Variants in CNTNAP2 observed in about 807,000 individuals in gnomAD.
CNTNAP2 encodes the protein contactin associated protein 2.
CNTNAP2 carries 98 observed loss-of-function variants against 155.2 expected under a neutral mutation model. The ratio of observed to expected loss-of-function variants is 0.63; its 90% CI spans 0.54 to 0.75. CNTNAP2 has a LOEUF of 0.75. Among genes scored for constraint, CNTNAP2 ranks in the 30% least tolerant of loss-of-function variants. The pLI is 0.00. For synonymous variants in CNTNAP2, 651 were observed against 631.2 expected (o/e 1.03, Z -0.47); for missense variants, 1,727 against 1,688.1 (o/e 1.02, Z -0.40).
At chr7:148,126,472 T>A (rs946786025) in intron 16 of CNTNAP2, among the ~76,000 whole-genome samples, 2 of 152,074 alleles carry the variant, frequency 1.3e-5, no homozygotes, top group Non-Finnish European at 2.9e-5. Context: ...TGTGGAAAGG[T>A]GGAAGGACAG....
At chr7:146,492,360 A>C (rs113884645) in intron 1 of CNTNAP2, among the ~76,000 whole-genome samples, 4,972 of 152,178 alleles carry the variant, frequency 0.033, 248 homozygotes, top group African/African-American at 0.11. Flanking sequence ...GCCCTTCCTC[A>C]TGTTCATCTT....
At chr7:148,004,698 A>T (rs1279382517) in intron 15 of CNTNAP2, among the ~76,000 whole-genome samples, 1 of 152,222 alleles carries the variant, frequency 6.6e-6, no homozygotes, top group African/African-American at 2.4e-5. Context: ...GTTCTTTAAT[A>T]TGTAATGAAA....
chr7:148,207,205 G>A (rs1795464458), intron 18 of CNTNAP2, among the ~76,000 whole-genome samples: 1 of 152,264 alleles, frequency 6.6e-6, no homozygotes, highest in Non-Finnish European at 1.5e-5. Context: ...TGGGACACTT[G>A]AGGATGTGCA....
At chr7:147,128,664 C>T (rs775112062) in intron 6 of CNTNAP2, 29 bp from the exon 7 acceptor site, 28 of 1,613,022 alleles carry the variant, frequency 1.7e-5, no homozygotes, top group Middle Eastern at 1.6e-4. Context: ...ACAATGTGGA[C>T]GTTTACATTT....
chr7:147,213,845 G>A lies in CNTNAP2; in HGVS notation c.1348+81336G>A, dbSNP rs1173785818. On this transcript the variant is annotated intron_variant, in intron 8 of 23. Transcript: ENST00000361727. ...CCTGAGAACTCAGGGGGCCACTGGT[G>A]TAAATCCTGGAGTGTCTGTGTAGAA... 3.3e-5 allele frequency among the ~76,000 whole-genome samples: 5 copies of A among 152,228 alleles called. No homozygotes were observed. In the East Asian group the frequency reaches 7.8e-4, roughly 24 times the overall value.
At chr7:147,718,072 A>G (rs1482600551) in intron 13 of CNTNAP2, among the ~76,000 whole-genome samples, 4 of 152,122 alleles carry the variant, frequency 2.6e-5, no homozygotes, top group Non-Finnish European at 5.9e-5. Context: ...CTTTGTAATC[A>G]TATTGCTTGA....
intron 3 of CNTNAP2, among the ~76,000 whole-genome samples, chr7:147,017,085 T>G (rs1373101048): frequency 6.6e-5 from 10 of 152,084 alleles, no homozygotes. Context: ...TCTTTTCTAC[T>G]GCAAATAAAG....
intron 21 of CNTNAP2, among the ~76,000 whole-genome samples, chr7:148,310,514 T>C (rs1409175830): frequency 2.0e-5 from 3 of 151,986 alleles, no homozygotes; most frequent in Admixed American, 6.5e-5. Flanking sequence ...CCGAGAGCAA[T>C]AGTAGAGGCA....
At chr7:148,165,413 A>T (rs1438467780) in intron 17 of CNTNAP2, among the ~76,000 whole-genome samples, 1 of 152,192 alleles carries the variant, frequency 6.6e-6, no homozygotes, top group Non-Finnish European at 1.5e-5. Flanking sequence ...GAGGGGACAC[A>T]GTTCAGTCCA....
rs550183082 is a variant in CNTNAP2, at chr7:147,407,073, G to A, written c.1670+11293G>A. Among the ~76,000 whole-genome samples the A allele has an allele frequency of 2.5e-3, 383 of 152,286 alleles. 2 individuals carry two copies. Among genetic ancestry groups the A allele is most frequent in the African/African-American group, 8.9e-3 (368 of 41,566 alleles). On this transcript the variant is annotated intron_variant, in intron 10 of 23. Transcript: ENST00000361727. ...CTTCAGTGAAGACCCCCCCCTCTGG[G>A]AAATTAGACATGACATAAAAGTGCA...
intron 12 of CNTNAP2, among the ~76,000 whole-genome samples, chr7:147,607,998 C>T (rs899134075): frequency 2.0e-5 from 3 of 152,008 alleles, no homozygotes; most frequent in African/African-American, 7.2e-5. Context: ...TAGGTTGGAC[C>T]ATAATTACTT....
At chr7:148,278,289 C>T (rs532806197) in intron 21 of CNTNAP2, among the ~76,000 whole-genome samples, 4 of 151,860 alleles carry the variant, frequency 2.6e-5, no homozygotes, top group Admixed American at 6.6e-5. Flanking sequence ...TGAGTAGGCC[C>T]GGCTCGGTGG....
intron 1 of CNTNAP2, among the ~76,000 whole-genome samples, chr7:146,229,982 C>T (rs1170433003): frequency 6.6e-6 from 1 of 152,074 alleles, no homozygotes; most frequent in Non-Finnish European, 1.5e-5. Flanking sequence ...AATATATAAA[C>T]AAGCATTGAG....
At chr7:147,405,866 TATGGAA>T (rs1796997132) in intron 10 of CNTNAP2, among the ~76,000 whole-genome samples, 1 of 152,078 alleles carries the variant, frequency 6.6e-6, no homozygotes, top group Admixed American at 6.5e-5. Flanking sequence ...GGTGATACTA[TATGGAA>T]ATGGTTTGAT....
At chr7:147,530,040 C>A (rs570230883) in intron 11 of CNTNAP2, among the ~76,000 whole-genome samples, 5 of 152,254 alleles carry the variant, frequency 3.3e-5, no homozygotes, top group Non-Finnish European at 5.9e-5. Context: ...ACAGTAGTGG[C>A]AATGACAAAA....
chr7:147,255,742 G>A (rs992321195), intron 8 of CNTNAP2, among the ~76,000 whole-genome samples: 1 of 151,906 alleles, frequency 6.6e-6, no homozygotes, highest in African/African-American at 2.4e-5. Flanking sequence ...TTCTATGTTT[G>A]TTTGTTTATT....
chr7:146,497,537 C>T (rs10227262), intron 1 of CNTNAP2, among the ~76,000 whole-genome samples: 71,463 of 151,710 alleles, frequency 0.47, 19,680 homozygotes, highest in African/African-American at 0.78. Context: ...CTACAGTGTA[C>T]TTCACCCAAA....
At chr7:148,236,760 G>A (rs1796047280) in intron 20 of CNTNAP2, among the ~76,000 whole-genome samples, 1 of 152,214 alleles carries the variant, frequency 6.6e-6, no homozygotes. Context: ...CTGCTTCTGG[G>A]GAGACCTCAG....
intron 21 of CNTNAP2, among the ~76,000 whole-genome samples, chr7:148,367,386 G>A (rs1405844021): frequency 6.6e-6 from 1 of 151,716 alleles, no homozygotes; most frequent in African/African-American, 2.4e-5. Flanking sequence ...TAAGTCAAAG[G>A]AAAAATGTTC....
Sources: allele counts gnomAD v4.1 joint callset (sites outside exome capture counted in the v4.1 genomes callset), GRCh38; gene constraint gnomAD v4.1.1; transcripts MANE v1.5; gene names NCBI Gene and HGNC (gene_info 2026-07-23, HGNC 2026-07-21).